Variants in PDZD2 observed in about 807,000 individuals in gnomAD.
PDZD2 encodes PDZ domain-containing protein 2.
PDZD2 carries 90 observed loss-of-function variants against 220.7 expected under a neutral mutation model. The ratio of observed to expected loss-of-function variants is 0.41; its 90% CI spans 0.34 to 0.49. The LOEUF (loss-of-function observed/expected upper bound fraction) is 0.49, where lower values mean the gene tolerates loss of function less well. PDZD2 is among the 20% of genes least tolerant of loss of function. The pLI, the probability that PDZD2 is intolerant of heterozygous loss-of-function variation, is 0.28. For missense variants in PDZD2, 3,174 were observed against 3,608.5 expected (o/e 0.88, Z 3.08); for synonymous variants, 1,375 against 1,450.5 (o/e 0.95, Z 1.18).
chr5:32,021,544 T>G (rs1335167161), intron 6 of PDZD2, among the ~76,000 whole-genome samples: 1 of 152,094 alleles, frequency 6.6e-6, no homozygotes, highest in Admixed American at 6.5e-5. Context: ...GTGATCCACC[T>G]GCCTCAGCCC....
intron 1 of PDZD2, among the ~76,000 whole-genome samples, chr5:31,666,583 C>T (rs1227619072): frequency 6.6e-6 from 1 of 152,158 alleles, no homozygotes; most frequent in African/African-American, 2.4e-5. Context: ...GAGCTGGGTG[C>T]TCAGAAACAA....
chr5:31,685,953 C>A (rs1423315773), intron 1 of PDZD2, among the ~76,000 whole-genome samples: 2 of 152,022 alleles, frequency 1.3e-5, no homozygotes, highest in Non-Finnish European at 2.9e-5. Flanking sequence ...GTAATCCCAG[C>A]ACTTTGGGAG....
At chr5:31,822,578 T>C (rs1238731778) in intron 2 of PDZD2, 1 of 1,040,056 alleles carries the variant, frequency 9.6e-7, no homozygotes, top group Admixed American at 1.9e-5. Flanking sequence ...GCCTCCTGAA[T>C]GGTTCGTTTT....
At position 32,074,303 on chromosome 5, in the gene PDZD2, C is replaced by T. The variant is rs1238068783; in HGVS notation, c.3197C>T (p.Pro1066Leu). The T allele has an allele frequency of 1.2e-6, 2 of 1,614,038 alleles. No individual in the cohort carries two copies. Among genetic ancestry groups the T allele is most frequent in the Non-Finnish European group, 1.7e-6 (2 of 1,180,038 alleles). The change falls in exon 18 of 25, where the codon CCC becomes CTC. Residue 1066 changes from proline (P) to leucine (L), a missense_variant. Coordinates refer to ENST00000438447, the MANE Select transcript of PDZD2 (RefSeq NM_178140.4). Reference protein sequence around the residue: ...AANLTDSAEAPKGSPGSWWKK... With the variant: ...AANLTDSAEALKGSPGSWWKK... ...AACCTCACGGACTCTGCAGAGGCCC[C>T]CAAGGGGAGCCCTGGAAGCTGGTGG...
At chr5:31,816,365 GA>G (rs1315907346) in intron 2 of PDZD2, among the ~76,000 whole-genome samples, 4 of 151,592 alleles carry the variant, frequency 2.6e-5, no homozygotes, top group Non-Finnish European at 5.9e-5. Flanking sequence ...CCTTATCTCT[GA>G]AGCCAAGTAC....
intron 2 of PDZD2, among the ~76,000 whole-genome samples, chr5:31,944,097 ATTACAAATCTTT>A (rs1746436581): frequency 1.3e-5 from 2 of 152,252 alleles, no homozygotes; most frequent in Non-Finnish European, 1.5e-5. Flanking sequence ...AGGTTACTAC[ATTACAAATCTTT>A]AAACATTTAG....
intron 1 of PDZD2, among the ~76,000 whole-genome samples, chr5:31,678,442 A>G (rs1453553340): frequency 6.6e-6 from 1 of 151,624 alleles, no homozygotes; most frequent in Non-Finnish European, 1.5e-5. Context: ...GCCTGGGGAC[A>G]GTCAGTTCTG....
Position 31,942,383 on chromosome 5 carries a change from A to ATGTG in PDZD2, c.477-40754_477-40751dup, listed in dbSNP as rs10581247. Among the ~76,000 whole-genome samples, 659 of 151,052 alleles carry ATGTG rather than the reference A, an allele frequency of 4.4e-3. 5 individuals carry two copies. The highest frequency in any genetic ancestry group is 0.015 in the African/African-American group (623 of 41,218). On this transcript the variant is annotated intron_variant, in intron 2 of 24. Coordinates refer to ENST00000438447, the MANE Select transcript of PDZD2 (RefSeq NM_178140.4). The stretch of plus-strand genomic sequence containing the variant: ...TGCTATCCTTTGTGTGCTTATGGGC[A>ATGTG]TGTGTGTGTGTGTGTGTGTGTCAGG...
intron 2 of PDZD2, among the ~76,000 whole-genome samples, chr5:31,830,189 G>A (rs1313985752): frequency 6.5e-5 from 9 of 139,010 alleles, no homozygotes; most frequent in Non-Finnish European, 1.1e-4. Context: ...TTTTTGAGAC[G>A]AAGTTTCGCT....
chr5:31,857,626 C>T (rs1325335811), intron 2 of PDZD2, among the ~76,000 whole-genome samples: 2 of 152,076 alleles, frequency 1.3e-5, no homozygotes, highest in African/African-American at 4.8e-5. Flanking sequence ...GAATGGATAT[C>T]CCCTCCTGAA....
At chr5:31,662,775 GC>G (rs1307646669) in intron 1 of PDZD2, among the ~76,000 whole-genome samples, 1 of 152,122 alleles carries the variant, frequency 6.6e-6, no homozygotes, top group African/African-American at 2.4e-5. Context: ...GACTACAGGC[GC>G]CCACCACCAC....
intron 2 of PDZD2, among the ~76,000 whole-genome samples, chr5:31,820,045 A>T (rs1054659806): frequency 2.0e-5 from 3 of 152,234 alleles, no homozygotes; most frequent in African/African-American, 7.2e-5. Context: ...AAGTAAGGAG[A>T]ATACCAGGGA....
chr5:31,887,968 TC>T (rs1308817300), intron 2 of PDZD2, among the ~76,000 whole-genome samples: 1 of 151,974 alleles, frequency 6.6e-6, no homozygotes, highest in Non-Finnish European at 1.5e-5. Context: ...ATTGTTAACT[TC>T]CAACATACGA....
intron 2 of PDZD2, among the ~76,000 whole-genome samples, chr5:31,893,132 C>T (rs1011272132): frequency 6.6e-6 from 1 of 152,162 alleles, no homozygotes; most frequent in African/African-American, 2.4e-5. Context: ...TGACCAGGAC[C>T]TTTCGCCCTT....
In PDZD2 at chr5:31,822,905, G is replaced by A. The variant is rs1755971851; in HGVS notation, c.476+23181G>A. 4 of 864,352 alleles carry A rather than the reference G, an allele frequency of 4.6e-6. No individual in the cohort carries two copies. The African/African-American group carries it at 6.7e-5, about 15-fold the overall frequency. The allele number at this position is 864,352 out of a possible 1,614,324, so 53.5% of individuals were successfully genotyped here. Reference sequence around the variant, plus strand: ...AGTGTGACACCCTTGATCATGTTCTGTGCATAACTACAAATAGTCTGAACG... The same window carrying A: ...AGTGTGACACCCTTGATCATGTTCTATGCATAACTACAAATAGTCTGAACG... On this transcript the variant is annotated intron_variant, in intron 2 of 24. Coordinates refer to ENST00000438447, the MANE Select transcript of PDZD2 (RefSeq NM_178140.4).
chr5:31,704,599 T>C (rs912341563), intron 1 of PDZD2, among the ~76,000 whole-genome samples: 4 of 152,238 alleles, frequency 2.6e-5, no homozygotes, highest in African/African-American at 9.6e-5. Flanking sequence ...TTATAGAAAA[T>C]ACTGTAATAT....
intron 2 of PDZD2, among the ~76,000 whole-genome samples, chr5:31,845,006 G>C (rs62360839): frequency 0.078 from 11,750 of 150,322 alleles, 571 homozygotes; most frequent in Middle Eastern, 0.14. Flanking sequence ...AATTATTCAT[G>C]TTTTCGAGAC....
At chr5:31,791,156 G>T (rs977446166) in intron 1 of PDZD2, among the ~76,000 whole-genome samples, 1 of 152,256 alleles carries the variant, frequency 6.6e-6, no homozygotes, top group South Asian at 2.1e-4. Flanking sequence ...TTGTAACCCT[G>T]CAAGGGTCCA....
chr5:31,749,404 T>A (rs1235588679), intron 1 of PDZD2, among the ~76,000 whole-genome samples: 1 of 150,098 alleles, frequency 6.7e-6, no homozygotes, highest in Non-Finnish European at 1.5e-5. Flanking sequence ...GATTCAAGAG[T>A]GCAGAAGGTC....
Sources: allele counts gnomAD v4.1 joint callset (sites outside exome capture counted in the v4.1 genomes callset), GRCh38; gene constraint gnomAD v4.1.1; transcripts MANE v1.5; gene names NCBI Gene and HGNC (gene_info 2026-07-23, HGNC 2026-07-21).